Variants in PBX4 observed in about 807,000 individuals in gnomAD.
PBX4 encodes PBX homeobox 4.
A neutral mutation model predicts 35.1 loss-of-function variants in PBX4; 26 were observed. That is an observed-to-expected ratio of 0.74 (90% CI 0.54 to 1.03). PBX4 has a LOEUF of 1.03. Ranked by LOEUF, PBX4 falls within the 50% of genes least tolerant of loss-of-function variation. The pLI, the probability that PBX4 is intolerant of heterozygous loss-of-function variation, is 0.00. For synonymous variants in PBX4, 199 were observed against 204.2 expected (o/e 0.97, Z 0.22); for missense variants, 448 against 504.3 (o/e 0.89, Z 1.07).
chr19:19,592,768 A>T (rs1044973948), intron 2 of PBX4, among the ~76,000 whole-genome samples: 2 of 152,190 alleles, frequency 1.3e-5, no homozygotes, highest in African/African-American at 4.8e-5. Context: ...CTGAGAACAT[A>T]GCGCATCCTA....
intron 1 of PBX4, among the ~76,000 whole-genome samples, chr19:19,602,442 T>C (rs1462640702): frequency 2.0e-5 from 3 of 151,776 alleles, no homozygotes; most frequent in Admixed American, 6.6e-5. Context: ...AGGGTGTGTG[T>C]TAATCATGTT....
chr19:19,584,815 G>T (rs2061478857), intron 2 of PBX4, among the ~76,000 whole-genome samples: 1 of 151,728 alleles, frequency 6.6e-6, no homozygotes, highest in African/African-American at 2.4e-5. Flanking sequence ...TAGTAGAGAT[G>T]GGGTTTCACT....
chr19:19,568,162 T>A (rs929741745), intron 5 of PBX4, among the ~76,000 whole-genome samples: 2 of 142,772 alleles, frequency 1.4e-5, no homozygotes, highest in African/African-American at 5.3e-5. Flanking sequence ...CTCAGGGAGC[T>A]CACACTCCAT....
At chr19:19,615,315 C>G (rs554515985) in intron 1 of PBX4, among the ~76,000 whole-genome samples, 1 of 151,634 alleles carries the variant, frequency 6.6e-6, no homozygotes, top group East Asian at 1.9e-4. Context: ...CTACTGCACT[C>G]TAGCCTGGGT....
At position 19,599,307 on chromosome 19, in the gene PBX4, T is replaced by A. The variant is rs1388222933; in HGVS notation, c.178A>T (p.Ile60Phe). The A allele has an allele frequency of 2.5e-6, 4 of 1,612,906 alleles. No homozygotes were observed. The highest frequency in any genetic ancestry group is 1.7e-6 in the Non-Finnish European group (2 of 1,179,380). The change falls in exon 2 of 8, where the codon ATC (isoleucine) becomes TTC (phenylalanine). Residue 60 changes from isoleucine (I) to phenylalanine (F), a missense_variant. Transcript: ENST00000251203. The stretch of plus-strand genomic sequence containing the variant: ...AACAGCCTACCTGTCTTTTCCTTGA[T>A]CTCACAGAGCACGCTGAACAGAGCA... Reference protein sequence around the residue: ...KPALFSVLCEIKEKTVVSIRG... With the variant: ...KPALFSVLCEFKEKTVVSIRG...
intron 1 of PBX4, among the ~76,000 whole-genome samples, chr19:19,616,426 C>T (rs1268145188): frequency 2.0e-5 from 3 of 152,014 alleles, no homozygotes. Context: ...AAGTGTTTCT[C>T]CTGCCTCAGC....
In PBX4 at chr19:19,563,488, GGGACAGT is replaced by G. The variant is rs777977181; in HGVS notation, c.1032+14_1032+20del. 6.6e-7 allele frequency: 1 copy of G among 1,519,656 alleles called. No homozygotes were observed. Among genetic ancestry groups the G allele is most frequent in the African/African-American group, 1.4e-5 (1 of 72,236 alleles). The allele number at this position is 1,519,656 out of a possible 1,614,324, so 94.1% of individuals were successfully genotyped here. ...AACCTACCACCCACCTGGGCGCTGT[GGGACAGT>G]GCCTGAGACTCACCTGGGACTGCAG... On this transcript the variant is annotated intron_variant, in intron 7 of 7. Transcript: ENST00000251203. This position sits in a 1 kb window ranked among gnomAD's most constrained non-coding sequence, Gnocchi z 5.1.
At chr19:19,601,710 G>C (rs1291439848) in intron 1 of PBX4, among the ~76,000 whole-genome samples, 1 of 152,062 alleles carries the variant, frequency 6.6e-6, no homozygotes, top group Non-Finnish European at 1.5e-5. Context: ...CTATGTTGCT[G>C]GCCTTGATCA....
chr19:19,600,816 C>CAAAA (rs35643130), intron 1 of PBX4, among the ~76,000 whole-genome samples: 2 of 88,736 alleles, frequency 2.3e-5, no homozygotes, highest in African/African-American at 4.4e-5. Flanking sequence ...GACTCCATCT[C>CAAAA]AAAAAAAAAA....
intron 6 of PBX4, chr19:19,564,665 T>C: frequency 5.0e-6 from 2 of 401,970 alleles, no homozygotes; most frequent in Non-Finnish European, 9.0e-6. Context: ...CCTCCCAAAA[T>C]GCTGGGATTA....
At chr19:19,568,174 T>TGTATCCCTCAGGGAGCTCACACTCTACCA (rs2061355869) in intron 5 of PBX4, among the ~76,000 whole-genome samples, 1 of 138,464 alleles carries the variant, frequency 7.2e-6, no homozygotes, top group African/African-American at 2.8e-5. Flanking sequence ...ACACTCCATC[T>TGTATCCCTCAGGGAGCTCACACTCTACCA]GTATCCCTCA....
chr19:19,617,134 C>A (rs2061692825), intron 1 of PBX4, among the ~76,000 whole-genome samples: 1 of 152,200 alleles, frequency 6.6e-6, no homozygotes, highest in Non-Finnish European at 1.5e-5. Context: ...CTTCCTATAG[C>A]ATGCAACCCC....
intron 2 of PBX4, among the ~76,000 whole-genome samples, chr19:19,591,176 T>A (rs1295590231): frequency 1.3e-5 from 2 of 152,062 alleles, no homozygotes; most frequent in African/African-American, 4.8e-5. Context: ...GAAATGTACA[T>A]GGGACTCAGC....
At chr19:19,566,386 C>A (rs532498897) in intron 5 of PBX4, among the ~76,000 whole-genome samples, 1 of 152,318 alleles carries the variant, frequency 6.6e-6, no homozygotes, top group East Asian at 1.9e-4. Flanking sequence ...TGGGTGAGCA[C>A]CCCAGGGCCA....
intron 2 of PBX4, among the ~76,000 whole-genome samples, chr19:19,592,717 G>C (rs2061536456): frequency 6.6e-6 from 1 of 152,162 alleles, no homozygotes; most frequent in South Asian, 2.1e-4. Flanking sequence ...ACCAGAAACA[G>C]TTTTTCAATC....
At position 19,561,994 on chromosome 19, in the gene PBX4, C is replaced by G; in HGVS notation, c.*31G>C. ...ACGGCTGGCGATACATGGCAGCTCA[C>G]GCAGCGCTCTTTCCTGCTTATCCCC... On this transcript the variant is annotated 3_prime_UTR_variant, in exon 8 of 8. Coordinates refer to ENST00000251203, the MANE Select transcript of PBX4 (RefSeq NM_025245.3). The G allele has an allele frequency of 1.9e-6, 3 of 1,575,972 alleles. No homozygotes were observed. The highest frequency in any genetic ancestry group is 2.6e-6 in the Non-Finnish European group (3 of 1,151,274).
At chr19:19,573,332 C>T (rs6511045) in intron 2 of PBX4, among the ~76,000 whole-genome samples, 90 of 35,290 alleles carry the variant, frequency 2.6e-3, no homozygotes, top group South Asian at 0.016. Context: ...AAAAAATATA[C>T]ACACACACAC....
chr19:19,588,347 C>T (rs2061503870), intron 2 of PBX4: 4 of 1,232,128 alleles, frequency 3.2e-6, no homozygotes, highest in Non-Finnish European at 4.8e-6. Flanking sequence ...TCACATTTTT[C>T]ACACAGTCAT....
In PBX4 at chr19:19,562,207, C is replaced by G. The variant is rs1159216909; in HGVS notation, c.1033-90G>C. 1.1e-6 allele frequency: 1 copy of G among 943,104 alleles called. No individual in the cohort carries two copies. The highest frequency in any genetic ancestry group is 1.6e-6 in the Non-Finnish European group (1 of 636,936). The allele number at this position is 943,104 out of a possible 1,614,324, so 58.4% of individuals were successfully genotyped here. On this transcript the variant is annotated intron_variant, in intron 7 of 7. Coordinates refer to ENST00000251203, the MANE Select transcript of PBX4 (RefSeq NM_025245.3). This position sits in a 1 kb window ranked among gnomAD's most constrained non-coding sequence, Gnocchi z 4.8. ...TGCTGCAGGCGGAGCCTCCAGGGGTCCCTGGGAAGGCTTGGAAAAGATCCA... is the reference window on the plus strand; with the variant it reads ...TGCTGCAGGCGGAGCCTCCAGGGGTGCCTGGGAAGGCTTGGAAAAGATCCA...
Sources: allele counts gnomAD v4.1 joint callset (sites outside exome capture counted in the v4.1 genomes callset), GRCh38; gene constraint gnomAD v4.1.1; non-coding constraint Gnocchi (gnomAD v3.1); transcripts MANE v1.5; gene names NCBI Gene and HGNC (gene_info 2026-07-23, HGNC 2026-07-21).